The following LRRC4C variants were observed in gnomAD, a reference collection of about 807,000 sequenced individuals.
LRRC4C encodes leucine-rich repeat-containing protein 4C.
Under a neutral mutation model 33.6 loss-of-function variants are expected in LRRC4C, and 5 were observed. That is an observed-to-expected ratio of 0.15 (90% CI 0.08 to 0.31). The LOEUF is 0.31. LRRC4C is among the 10% of genes least tolerant of loss of function. The pLI, the probability that LRRC4C is intolerant of heterozygous loss-of-function variation, is 1.00. For synonymous variants in LRRC4C, 329 were observed against 302.0 expected (o/e 1.09, Z -0.93); for missense variants, 560 against 796.7 (o/e 0.70, Z 3.58).
At chr11:40,746,695 A>G (rs1244368298) in intron 2 of LRRC4C, among the ~76,000 whole-genome samples, 2 of 152,122 alleles carry the variant, frequency 1.3e-5, no homozygotes, top group African/African-American at 4.8e-5. Flanking sequence ...AGGCCATACA[A>G]TCAGGGCCTG....
chr11:40,840,111 C>T (rs570919186), intron 2 of LRRC4C, among the ~76,000 whole-genome samples: 7 of 152,154 alleles, frequency 4.6e-5, no homozygotes, highest in South Asian at 2.1e-4. Context: ...TAACTTCTAT[C>T]GACTACCTAA....
chr11:41,248,149 T>G (rs540168821), intron 1 of LRRC4C, among the ~76,000 whole-genome samples: 15 of 152,352 alleles, frequency 9.8e-5, no homozygotes, highest in Admixed American at 9.1e-4. Flanking sequence ...ATCTCTTTTT[T>G]GATATTGATA....
At chr11:40,866,053 T>C (rs1954350596) in intron 2 of LRRC4C, among the ~76,000 whole-genome samples, 1 of 151,550 alleles carries the variant, frequency 6.6e-6, no homozygotes, top group African/African-American at 2.4e-5. Flanking sequence ...GTGAAGACTA[T>C]AAATGAATCC....
chr11:40,706,410 T>C (rs1000749782), intron 2 of LRRC4C, among the ~76,000 whole-genome samples: 1 of 152,180 alleles, frequency 6.6e-6, no homozygotes, highest in Admixed American at 6.5e-5. Context: ...AGGGATCCAG[T>C]TTCAGCTTTC....
At chr11:40,701,936 T>G (rs1945880016) in intron 2 of LRRC4C, among the ~76,000 whole-genome samples, 1 of 151,976 alleles carries the variant, frequency 6.6e-6, no homozygotes, top group South Asian at 2.1e-4. Context: ...AATAGTGAAT[T>G]TCTTAAAGGA....
At chr11:40,539,348 T>C (rs925868328) in intron 3 of LRRC4C, among the ~76,000 whole-genome samples, 1 of 152,202 alleles carries the variant, frequency 6.6e-6, no homozygotes, top group Non-Finnish European at 1.5e-5. Flanking sequence ...TATTCTCATA[T>C]GCTTTTAGAA....
chr11:40,322,857 T>C (rs1266139164), intron 3 of LRRC4C, among the ~76,000 whole-genome samples: 1 of 152,172 alleles, frequency 6.6e-6, no homozygotes, highest in African/African-American at 2.4e-5. Flanking sequence ...GTCAGCATCC[T>C]CATCATCATA....
At chr11:40,760,045 C>A (rs1484089806) in intron 2 of LRRC4C, among the ~76,000 whole-genome samples, 7 of 151,474 alleles carry the variant, frequency 4.6e-5, no homozygotes, top group Non-Finnish European at 1.0e-4. Context: ...TGCCCCCCAA[C>A]CTTTTCTTTT....
intron 2 of LRRC4C, among the ~76,000 whole-genome samples, chr11:40,813,304 C>T (rs1185677141): frequency 1.3e-5 from 2 of 152,090 alleles, no homozygotes; most frequent in African/African-American, 2.4e-5. Context: ...CTGGAGGGGC[C>T]TCATAATCAT....
At chr11:40,898,575 A>C (rs913470378) in intron 2 of LRRC4C, among the ~76,000 whole-genome samples, 6 of 152,050 alleles carry the variant, frequency 3.9e-5, no homozygotes, top group South Asian at 2.1e-4. Flanking sequence ...AAAAGAAGGA[A>C]GAAAAAGTGA....
chr11:40,656,696 T>A (rs1943134724), intron 2 of LRRC4C, among the ~76,000 whole-genome samples: 1 of 152,178 alleles, frequency 6.6e-6, no homozygotes, highest in Admixed American at 6.5e-5. Context: ...CTAATTTTAG[T>A]CATTATGCAG....
chr11:40,219,740 T>TCGGG (rs1565150159), intron 5 of LRRC4C, among the ~76,000 whole-genome samples: 3 of 144,462 alleles, frequency 2.1e-5, no homozygotes, highest in African/African-American at 5.1e-5. Context: ...GGGGAAGAAA[T>TCGGG]TGGGGGGGTG....
intron 3 of LRRC4C, among the ~76,000 whole-genome samples, chr11:40,602,054 G>T (rs928747425): frequency 6.6e-6 from 1 of 152,016 alleles, no homozygotes; most frequent in South Asian, 2.1e-4. Flanking sequence ...ATTTAGCTGG[G>T]TGTGGTGGCG....
chr11:41,244,187 A>C (rs1027153643), intron 1 of LRRC4C, among the ~76,000 whole-genome samples: 10 of 150,706 alleles, frequency 6.6e-5, no homozygotes, highest in Non-Finnish European at 1.5e-5. Flanking sequence ...CTATCTATCT[A>C]TCTATCGATC....
chr11:41,081,501 T>G (rs901595382), intron 1 of LRRC4C, among the ~76,000 whole-genome samples: 13 of 152,148 alleles, frequency 8.5e-5, no homozygotes, highest in Non-Finnish European at 1.6e-4. Flanking sequence ...AGGAGTCATT[T>G]CTGCCTGCTA....
At chr11:41,172,729 C>T (rs1472012075) in intron 1 of LRRC4C, among the ~76,000 whole-genome samples, 2 of 152,090 alleles carry the variant, frequency 1.3e-5, no homozygotes, top group African/African-American at 4.8e-5. Flanking sequence ...CCAATTTATT[C>T]CTTGCACTTA....
At chr11:40,526,920 A>C (rs1013059296) in intron 3 of LRRC4C, among the ~76,000 whole-genome samples, 1 of 152,184 alleles carries the variant, frequency 6.6e-6, no homozygotes, top group African/African-American at 2.4e-5. Flanking sequence ...TGAATAGAAC[A>C]GAAGAGTGAA....
At chr11:40,388,261 C>T (rs904662494) in intron 3 of LRRC4C, among the ~76,000 whole-genome samples, 2 of 152,048 alleles carry the variant, frequency 1.3e-5, no homozygotes, top group African/African-American at 2.4e-5. Context: ...AATGGTAATT[C>T]CTTGAGACCT....
chr11:40,268,651 T>TA lies in LRRC4C; in HGVS notation c.-175-27054dup, dbSNP rs375895559. ...GTATAACATCAAACCGTAGCACTGGTAAAAAAAAAATCAGCAAAAAAAATA... is the reference window on the plus strand; with the variant it reads ...GTATAACATCAAACCGTAGCACTGGTAAAAAAAAAAATCAGCAAAAAAAATA... On this transcript the variant is annotated intron_variant, in intron 4 of 6. Transcript: ENST00000528697. Among the ~76,000 whole-genome samples the TA allele has an allele frequency of 7.7e-3, 1,142 of 149,168 alleles. 15 individuals carry two copies. Among genetic ancestry groups the TA allele is most frequent in the African/African-American group, 0.026 (1,058 of 40,734 alleles).
Sources: gnomAD v4.1 joint callset for allele counts (sites outside exome capture counted in the v4.1 genomes callset) on GRCh38, gnomAD v4.1.1 for gene constraint, MANE v1.5 for transcripts, NCBI Gene and HGNC (gene_info 2026-07-23, HGNC 2026-07-21) for gene names.